PSAT1: variants seen among roughly 807,000 people sequenced by gnomAD.
PSAT1 encodes the protein phosphoserine aminotransferase 1.
PSAT1 carries 41 observed loss-of-function variants against 40.3 expected under a neutral mutation model. The observed-to-expected ratio is 1.02, with a 90% confidence interval of 0.79 to 1.32. The LOEUF (loss-of-function observed/expected upper bound fraction) is 1.32, where lower values mean the gene tolerates loss of function less well. PSAT1 is among the 40% of genes most tolerant of loss of function. The probability of loss-of-function intolerance (pLI) is 0.00; values close to 1 mark genes in which losing one functional copy is unlikely to be tolerated. For synonymous variants in PSAT1, 147 were observed against 170.5 expected, an observed-to-expected ratio of 0.86 and a Z score of 1.07; for missense variants, 406 against 455.8, an observed-to-expected ratio of 0.89 and a Z score of 0.99.
intron 1 of PSAT1, among the ~76,000 whole-genome samples, chr9:78,300,052 G>T (rs1477985599): frequency 3.3e-5 from 5 of 152,094 alleles, no homozygotes; most frequent in Non-Finnish European, 7.3e-5. Flanking sequence ...TAAAAGTAGT[G>T]TAATGAACCT....
rs1828154308 is a variant in PSAT1, at chr9:78,304,656, C to T, written c.192-79C>T. On this transcript the variant is annotated intron_variant, in intron 3 of 8. Transcript: ENST00000376588. ...TGTAGTAAATCCACCCAAGTTAAAG[C>T]ACTTGGTAGAGCATCACTTGTTCTC... 7 of 1,350,968 alleles carry T rather than the reference C, an allele frequency of 5.2e-6. No homozygotes were observed. In the Admixed American group the frequency reaches 1.0e-4, roughly 19 times the overall value. The allele number at this position is 1,350,968 out of a possible 1,614,324, so 83.7% of individuals were successfully genotyped here. A position where few individuals can be genotyped will look rare whatever the true frequency, so the allele number is the denominator to read the frequency against.
At chr9:78,326,139 TG>T (rs1354995890) in intron 7 of PSAT1, among the ~76,000 whole-genome samples, 1 of 152,164 alleles carries the variant, frequency 6.6e-6, no homozygotes, top group Non-Finnish European at 1.5e-5. Flanking sequence ...GCCTCTCTTT[TG>T]CTTGAAGCTG....
chr9:78,323,388 A>C (rs898324806), intron 7 of PSAT1, among the ~76,000 whole-genome samples: 1 of 152,180 alleles, frequency 6.6e-6, no homozygotes. Flanking sequence ...CCTGGGCAAC[A>C]TAGTGAGACC....
chr9:78,309,508 G>A (rs1436796274), intron 6 of PSAT1, among the ~76,000 whole-genome samples: 2 of 152,150 alleles, frequency 1.3e-5, no homozygotes, highest in African/African-American at 4.8e-5. Flanking sequence ...GATTACAGGT[G>A]CGTGCCACTA....
chr9:78,325,734 C>T (rs1411917), intron 7 of PSAT1, among the ~76,000 whole-genome samples: 12,371 of 152,162 alleles, frequency 0.081, 563 homozygotes, highest in South Asian at 0.12. Context: ...CTTTTTTTCT[C>T]CCCCCAGCCC....
chr9:78,313,802 G>A (rs114141079), intron 6 of PSAT1, among the ~76,000 whole-genome samples: 3,280 of 151,920 alleles, frequency 0.022, 119 homozygotes, highest in African/African-American at 0.074. Flanking sequence ...GTGCCACCAT[G>A]CCTGGCTACA....
intron 6 of PSAT1, among the ~76,000 whole-genome samples, chr9:78,316,230 G>A (rs956352448): frequency 4.6e-5 from 7 of 152,180 alleles, no homozygotes; most frequent in African/African-American, 1.2e-4. Flanking sequence ...TGTGCTAAGC[G>A]TTGGTCTGGC....
chr9:78,299,858 A>C (rs1828082875), intron 1 of PSAT1, among the ~76,000 whole-genome samples: 1 of 152,094 alleles, frequency 6.6e-6, no homozygotes, highest in South Asian at 2.1e-4. Context: ...GACAAGTTGC[A>C]ATCCAGTTTA....
intron 7 of PSAT1, among the ~76,000 whole-genome samples, chr9:78,326,934 A>AT (rs1828504922): frequency 9.6e-6 from 1 of 104,562 alleles, no homozygotes; most frequent in Non-Finnish European, 1.7e-5. Flanking sequence ...AAGTGACAGC[A>AT]ATATATATAT....
chr9:78,300,531 G>GT, intron 1 of PSAT1, 71 bp from the exon 2 acceptor site: 1 of 1,538,566 alleles, frequency 6.5e-7, no homozygotes, highest in South Asian at 1.2e-5. Context: ...CCCTCGTCAG[G>GT]TTTGTATGTT....
chr9:78,319,614 C>T (rs575553388), intron 7 of PSAT1, among the ~76,000 whole-genome samples: 1 of 152,216 alleles, frequency 6.6e-6, no homozygotes, highest in Non-Finnish European at 1.5e-5. Flanking sequence ...CAGTAGGTAT[C>T]CAAAGATTTC....
At chr9:78,309,726 C>G (rs7858637) in intron 6 of PSAT1, among the ~76,000 whole-genome samples, 47,196 of 152,140 alleles carry the variant, frequency 0.31, 7,660 homozygotes, top group East Asian at 0.45. Context: ...CATTCGCTGA[C>G]TGGGGGCTGC....
intron 1 of PSAT1, among the ~76,000 whole-genome samples, chr9:78,299,802 C>T (rs1024162044): frequency 1.3e-5 from 2 of 152,106 alleles, no homozygotes; most frequent in African/African-American, 2.4e-5. Context: ...TGAGCCACCA[C>T]GCCCGGCCTT....
chr9:78,315,862 A>G (rs1377548896), intron 6 of PSAT1, among the ~76,000 whole-genome samples: 2 of 152,206 alleles, frequency 1.3e-5, no homozygotes, highest in Non-Finnish European at 2.9e-5. Flanking sequence ...CCTCCTGTTA[A>G]TAAAGGAGGA....
At chr9:78,316,969 A>T (rs1310467951) in intron 6 of PSAT1, among the ~76,000 whole-genome samples, 1 of 137,258 alleles carries the variant, frequency 7.3e-6, no homozygotes, top group Admixed American at 7.4e-5. Flanking sequence ...AATATGGGCA[A>T]GGCGCTCTGG....
At chr9:78,327,010 C>T (rs1379801566) in intron 7 of PSAT1, among the ~76,000 whole-genome samples, 3 of 135,542 alleles carry the variant, frequency 2.2e-5, no homozygotes, top group African/African-American at 8.9e-5. Flanking sequence ...GGCTAGAGTG[C>T]TGTGGCACAA....
chr9:78,326,091 G>T (rs975569837), intron 7 of PSAT1, among the ~76,000 whole-genome samples: 1 of 152,112 alleles, frequency 6.6e-6, no homozygotes, highest in African/African-American at 2.4e-5. Context: ...CTGGAATTCA[G>T]GCTCAAAGTC....
intron 5 of PSAT1, among the ~76,000 whole-genome samples, chr9:78,307,480 C>T (rs1828201587): frequency 6.6e-6 from 1 of 152,226 alleles, no homozygotes; most frequent in Non-Finnish European, 1.5e-5. Context: ...TTATTATCAC[C>T]AGGCACTGGC....
rs540783345 is a variant in PSAT1 at position 78,327,409 on chromosome 9, A to G, written c.870-642A>G. 2.0e-5 allele frequency among the ~76,000 whole-genome samples: 3 copies of G among 152,168 alleles called. No individual in the cohort carries two copies. The East Asian group carries it at 5.8e-4, about 29-fold the overall frequency. ...TTCAAAAGATGGAAAACTAGATTCC[A>G]CCTCTTCTTATTTTTAAATGGGCCA... On this transcript the variant is annotated intron_variant, in intron 7 of 8. Coordinates refer to ENST00000376588, the MANE Select transcript of PSAT1 (RefSeq NM_058179.4).
Sources: gnomAD v4.1 joint callset for allele counts (sites outside exome capture counted in the v4.1 genomes callset) on GRCh38, gnomAD v4.1.1 for gene constraint, MANE v1.5 for transcripts, NCBI Gene and HGNC (gene_info 2026-07-23, HGNC 2026-07-21) for gene names.